The following CBL variants were observed in gnomAD, a reference collection of about 807,000 sequenced individuals.
CBL encodes the protein E3 ubiquitin-protein ligase CBL.
In CBL, 45 loss-of-function variants were observed where a neutral mutation model predicts 96.9. The ratio of observed to expected loss-of-function variants is 0.46; its 90% CI spans 0.37 to 0.60. The LOEUF is 0.60. Among genes scored for constraint, CBL ranks in the 20% least tolerant of loss-of-function variants. The probability of loss-of-function intolerance (pLI) is 0.00; values close to 1 mark genes in which losing one functional copy is unlikely to be tolerated. For synonymous variants in CBL, 420 were observed against 426.8 expected (o/e 0.98, Z 0.20); for missense variants, 1,024 against 1,143.5 (o/e 0.90, Z 1.51).
chr11:119,273,847 T>A (rs758684506), intron 3 of CBL, 21 bp from the exon 4 acceptor site: 1 of 1,611,086 alleles, frequency 6.2e-7, no homozygotes, highest in Non-Finnish European at 8.5e-7. Context: ...ACTTTATGCC[T>A]CCTCTCCACC....
At chr11:119,249,080 T>C (rs1949652221) in intron 2 of CBL, among the ~76,000 whole-genome samples, 1 of 152,196 alleles carries the variant, frequency 6.6e-6, no homozygotes, top group African/African-American at 2.4e-5. Context: ...GATCTAGCAG[T>C]TCTTCTAGGT....
At chr11:119,256,146 C>T (rs558015956) in intron 2 of CBL, among the ~76,000 whole-genome samples, 198 of 151,018 alleles carry the variant, frequency 1.3e-3, no homozygotes, top group Non-Finnish European at 1.2e-3. Flanking sequence ...GTTGCAGTAA[C>T]GTCTATATGT....
intron 1 of CBL, among the ~76,000 whole-genome samples, chr11:119,207,791 C>T (rs543256880): frequency 2.0e-5 from 3 of 152,138 alleles, no homozygotes; most frequent in Non-Finnish European, 2.9e-5. Flanking sequence ...GTGTTATTTC[C>T]TCCAGGGTAA....
In CBL at chr11:119,296,954, A is replaced by G. The variant is rs140298671; in HGVS notation, c.2073A>G (p.Gln691=). 1.1e-5 allele frequency: 17 copies of G among 1,611,200 alleles called. No homozygotes were observed. Among genetic ancestry groups the G allele is most frequent in the East Asian group, 8.9e-5 (4 of 44,856 alleles). ...TGCCAAAACTGCCACCTGGGGAGCA[A>G]TGTGAGGGTGAAGAGGACACAGAGT... is the stretch of plus-strand genomic sequence containing the variant. ...LPVPKLPPGE[Q]CEGEEDTEYM... Residue 691 remains glutamine, a synonymous_variant, in exon 13 of 16, where the codon CAA becomes CAG. Transcript: ENST00000264033.
Position 119,287,890 on chromosome 11 carries a change from C to T in CBL, c.1980C>T (p.Asp660=), listed in dbSNP as rs887402078. Residue 660 remains aspartate (D), a synonymous_variant, in exon 12 of 16, where the codon GAC becomes GAT. Transcript: ENST00000264033. ...NSSPLVGPEC[D]HPKIKPSSSA... ...GCCCATTAGTAGGTCCAGAGTGTGA[C>T]CACCCCAAAATCAAACCTTCCTCAT... 6.2e-7 allele frequency: 1 copy of T among 1,613,684 alleles called. No homozygotes were observed. Among genetic ancestry groups the T allele is most frequent in the Non-Finnish European group, 8.5e-7 (1 of 1,179,586 alleles).
In CBL at chr11:119,216,464, C is replaced by T. The variant is rs557520230; in HGVS notation, c.195+9852C>T. Among the ~76,000 whole-genome samples the T allele has an allele frequency of 2.8e-3, 421 of 151,924 alleles. 1 individual carries two copies. Among genetic ancestry groups the T allele is most frequent in the Non-Finnish European group, 3.4e-3 (233 of 67,970 alleles). On this transcript the variant is annotated intron_variant, in intron 1 of 15. Transcript: ENST00000264033. ...TCGGCTTACTGCAACCTCCGCCTCC[C>T]GGGTTCAAGCGATTGTCCTGCCTCA...
At chr11:119,268,948 A>G (rs796187506) in intron 2 of CBL, among the ~76,000 whole-genome samples, 7 of 152,302 alleles carry the variant, frequency 4.6e-5, no homozygotes, top group African/African-American at 1.4e-4. Flanking sequence ...GGTTCTCAAT[A>G]ATCTAGTTTA....
At position 119,226,220 on chromosome 11, in the gene CBL, A is replaced by G. The variant is rs536241574; in HGVS notation, c.196-6228A>G. Among the ~76,000 whole-genome samples, 3 of 152,242 alleles carry G rather than the reference A, an allele frequency of 2.0e-5. No homozygotes were observed. In the East Asian group the frequency reaches 5.8e-4, roughly 29 times the overall value. On this transcript the variant is annotated intron_variant, in intron 1 of 15. Transcript: ENST00000264033. Reference sequence around the variant, plus strand: ...TGTTATGGGCCCAAATGATAGGACTAATGCTACCAGGTTCTGGGAATCATC... The same window carrying G: ...TGTTATGGGCCCAAATGATAGGACTGATGCTACCAGGTTCTGGGAATCATC...
chr11:119,220,726 T>C (rs752981680), intron 1 of CBL, among the ~76,000 whole-genome samples: 6 of 152,238 alleles, frequency 3.9e-5, no homozygotes, highest in Non-Finnish European at 8.8e-5. Flanking sequence ...TAATGAATTA[T>C]AAGTGGCATG....
intron 2 of CBL, among the ~76,000 whole-genome samples, chr11:119,270,537 C>T (rs2135295813): frequency 7.1e-6 from 1 of 141,234 alleles, no homozygotes; most frequent in East Asian, 2.0e-4. Context: ...AGCTCCGCCT[C>T]CCGGGTTCAC....
chr11:119,251,627 A>G (rs1311993501), intron 2 of CBL, among the ~76,000 whole-genome samples: 5 of 152,218 alleles, frequency 3.3e-5, no homozygotes, highest in Non-Finnish European at 7.3e-5. Context: ...CAGCAGGATT[A>G]TATGTTCACA....
intron 2 of CBL, among the ~76,000 whole-genome samples, chr11:119,246,161 G>A (rs1324598722): frequency 6.6e-6 from 1 of 151,680 alleles, no homozygotes; most frequent in Non-Finnish European, 1.5e-5. Flanking sequence ...TTGTAGTAGA[G>A]ACAGGGTTTC....
rs115407173 is a variant in CBL at position 119,256,141 on chromosome 11, A to T, written c.444-15594A>T. 8.1e-3 allele frequency among the ~76,000 whole-genome samples: 1,237 copies of T among 151,978 alleles called. 21 individuals carry two copies. Among genetic ancestry groups the T allele is most frequent in the African/African-American group, 0.028 (1,170 of 41,442 alleles). On this transcript the variant is annotated intron_variant, in intron 2 of 15. Coordinates refer to ENST00000264033, the MANE Select transcript of CBL (RefSeq NM_005188.4). ...AGAATCCATTGCATTTTGTTGTTGC[A>T]GTAACGTCTATATGTTAAGCCTCCA... is the stretch of plus-strand genomic sequence containing the variant.
At chr11:119,219,015 C>T (rs915815017) in intron 1 of CBL, among the ~76,000 whole-genome samples, 11 of 151,922 alleles carry the variant, frequency 7.2e-5, no homozygotes, top group South Asian at 2.1e-4. Flanking sequence ...TCCAGGAGTT[C>T]GAGACCACCC....
chr11:119,260,416 G>A (rs944370861), intron 2 of CBL, among the ~76,000 whole-genome samples: 1 of 151,694 alleles, frequency 6.6e-6, no homozygotes, highest in Admixed American at 6.6e-5. Flanking sequence ...GCTAATTTTT[G>A]TATTTTTAGT....
At chr11:119,219,215 T>C (rs1223743478) in intron 1 of CBL, among the ~76,000 whole-genome samples, 2 of 151,698 alleles carry the variant, frequency 1.3e-5, no homozygotes, top group African/African-American at 4.8e-5. Context: ...CTGTCTCTAC[T>C]AAAAAATACA....
Position 119,307,916 on chromosome 11 carries a change from A to G in CBL, c.*8135A>G, listed in dbSNP as rs1469853198. The G allele has an allele frequency of 3.5e-5, 7 of 200,696 alleles. No homozygotes were observed. The South Asian group carries it at 7.6e-4, about 22-fold the overall frequency. The allele number at this position is 200,696 out of a possible 1,614,324, so 12.4% of individuals were successfully genotyped here. ...ATTTAATCATTCTCACCTGTAAAGA[A>G]TAAGAAAAACAGAAGGTAAATATTC... On this transcript the variant is annotated 3_prime_UTR_variant, in exon 16 of 16. Transcript: ENST00000264033.
intron 2 of CBL, among the ~76,000 whole-genome samples, chr11:119,255,865 G>A (rs1272525720): frequency 1.3e-5 from 2 of 151,612 alleles, no homozygotes; most frequent in African/African-American, 4.9e-5. Flanking sequence ...GTTTTATTCA[G>A]GGTTTAAAAT....
intron 12 of CBL, 79 bp downstream of exon 12, chr11:119,288,025 C>G: frequency 1.1e-6 from 1 of 916,012 alleles, no homozygotes. Context: ...TGAGAAAACC[C>G]AGAAAAGTGT....
Sources: gnomAD v4.1 joint callset for allele counts (sites outside exome capture counted in the v4.1 genomes callset) on GRCh38, gnomAD v4.1.1 for gene constraint, MANE v1.5 for transcripts, NCBI Gene and HGNC (gene_info 2026-07-23, HGNC 2026-07-21) for gene names.